Variants in GRID2 observed in about 807,000 individuals in gnomAD.
GRID2 encodes glutamate receptor ionotropic, delta-2.
In GRID2, 33 loss-of-function variants were observed where a neutral mutation model predicts 114.8. The ratio of observed to expected loss-of-function variants is 0.29; its 90% CI spans 0.22 to 0.38. GRID2 has a LOEUF of 0.38. Ranked by LOEUF, GRID2 falls within the 10% of genes least tolerant of loss-of-function variation. The probability of loss-of-function intolerance (pLI) is 1.00; values close to 1 mark genes in which losing one functional copy is unlikely to be tolerated. For missense variants in GRID2, 1,184 were observed against 1,257.7 expected (o/e 0.94, Z 0.89); for synonymous variants, 505 against 449.9 (o/e 1.12, Z -1.55).
intron 2 of GRID2, among the ~76,000 whole-genome samples, chr4:92,809,703 T>C (rs1740577550): frequency 6.6e-6 from 1 of 152,032 alleles, no homozygotes; most frequent in Non-Finnish European, 1.5e-5. Flanking sequence ...AAACAAGATA[T>C]TATTTTAAAA....
chr4:93,596,087 T>C (rs1318784154), intron 13 of GRID2, among the ~76,000 whole-genome samples: 2 of 152,240 alleles, frequency 1.3e-5, no homozygotes, highest in Non-Finnish European at 2.9e-5. Flanking sequence ...GTAAAGGCTA[T>C]GCACTTTTTG....
intron 8 of GRID2, among the ~76,000 whole-genome samples, chr4:93,301,586 T>C (rs1316057743): frequency 6.6e-6 from 1 of 152,170 alleles, no homozygotes; most frequent in African/African-American, 2.4e-5. Context: ...GTGATCATCA[T>C]CATATTAGGC....
At chr4:92,399,032 C>T (rs1730647377) in intron 1 of GRID2, among the ~76,000 whole-genome samples, 1 of 152,138 alleles carries the variant, frequency 6.6e-6, no homozygotes, top group Non-Finnish European at 1.5e-5. Flanking sequence ...AGAGCTACAA[C>T]TGGTTTAGTT....
intron 14 of GRID2, among the ~76,000 whole-genome samples, chr4:93,752,360 T>TTTATTTA (rs1732395445): frequency 6.7e-6 from 1 of 149,154 alleles, no homozygotes; most frequent in Non-Finnish European, 1.5e-5. Context: ...CATACTGTTC[T>TTTATTTA]TTTATTTATT....
rs182532638 is a variant in GRID2 at position 93,048,951 on chromosome 4, C to A, written c.245-36044C>A. On this transcript the variant is annotated intron_variant, in intron 2 of 15. Coordinates refer to ENST00000282020, the MANE Select transcript of GRID2 (RefSeq NM_001510.4). ...TTGAGACAAATGTTAAATATGGCCC[C>A]TGGGTTTATTAAAAGGCTTTGATTT... is the stretch of plus-strand genomic sequence containing the variant. 2.0e-5 allele frequency among the ~76,000 whole-genome samples: 3 copies of A among 152,090 alleles called. No individual in the cohort carries two copies. The East Asian group carries it at 5.8e-4, about 30-fold the overall frequency.
intron 1 of GRID2, among the ~76,000 whole-genome samples, chr4:93,784,618 T>C (rs1734554663): frequency 6.8e-6 from 1 of 147,722 alleles, no homozygotes; most frequent in Non-Finnish European, 1.5e-5. Flanking sequence ...TCAACAATTG[T>C]ATTTTATATT....
At chr4:93,608,309 T>TA (rs1553964148) in intron 13 of GRID2, among the ~76,000 whole-genome samples, 11 of 133,906 alleles carry the variant, frequency 8.2e-5, no homozygotes, top group Middle Eastern at 3.8e-3. Context: ...TTTTTTTTTT[T>TA]AATTTTTTTT....
At chr4:93,667,313 A>G (rs1578517293) in intron 14 of GRID2, among the ~76,000 whole-genome samples, 2 of 152,002 alleles carry the variant, frequency 1.3e-5, no homozygotes, top group East Asian at 3.9e-4. Flanking sequence ...CTAGCATGGC[A>G]TAATTACTAG....
chr4:93,587,427 C>A (rs1157209157), intron 13 of GRID2, among the ~76,000 whole-genome samples: 1 of 152,008 alleles, frequency 6.6e-6, no homozygotes, highest in Non-Finnish European at 1.5e-5. Context: ...CATGAAAATA[C>A]CTGTAATTTT....
At chr4:93,670,969 A>G (rs1301560744) in intron 14 of GRID2, among the ~76,000 whole-genome samples, 1 of 152,172 alleles carries the variant, frequency 6.6e-6, no homozygotes, top group East Asian at 1.9e-4. Flanking sequence ...ATAGGACTAT[A>G]TCAGTATCAG....
intron 2 of GRID2, among the ~76,000 whole-genome samples, chr4:92,632,742 A>G (rs1351754011): frequency 7.5e-5 from 11 of 146,892 alleles, no homozygotes; most frequent in African/African-American, 1.5e-4. Flanking sequence ...GGAAGGGAAG[A>G]AGTGAAGGAA....
chr4:93,443,078 T>G (rs1326839089), intron 10 of GRID2, among the ~76,000 whole-genome samples: 1 of 152,000 alleles, frequency 6.6e-6, no homozygotes, highest in Non-Finnish European at 1.5e-5. Context: ...AAAGCCACTA[T>G]TTTTCTCTCT....
chr4:92,471,353 T>C (rs1722023992), intron 1 of GRID2, among the ~76,000 whole-genome samples: 1 of 152,070 alleles, frequency 6.6e-6, no homozygotes, highest in Non-Finnish European at 1.5e-5. Context: ...ACCAGTGACC[T>C]TGTACAACCC....
At position 93,569,251 on chromosome 4, in the gene GRID2, T is replaced by C. The variant is rs558242874; in HGVS notation, c.2193+53840T>C. Among the ~76,000 whole-genome samples, 38 of 152,286 alleles carry C rather than the reference T, an allele frequency of 2.5e-4. No individual in the cohort carries two copies. In the South Asian group the frequency reaches 7.2e-3, roughly 29 times the overall value. On this transcript the variant is annotated intron_variant, in intron 13 of 15. Coordinates refer to ENST00000282020, the MANE Select transcript of GRID2 (RefSeq NM_001510.4). ...CTTCTATTTCCCTGCCCTCCTTTCA[T>C]TACTCCCACCACAGTTTCCTGTGGG... is the stretch of plus-strand genomic sequence containing the variant.
intron 1 of GRID2, among the ~76,000 whole-genome samples, chr4:92,439,915 T>C (rs1347668521): frequency 6.9e-6 from 1 of 145,590 alleles, no homozygotes; most frequent in Non-Finnish European, 1.6e-5. Flanking sequence ...GCAGGGCATG[T>C]ATGAGTAGTT....
At chr4:93,416,439 T>G (rs536093233) in intron 9 of GRID2, among the ~76,000 whole-genome samples, 1 of 152,024 alleles carries the variant, frequency 6.6e-6, no homozygotes, top group Non-Finnish European at 1.5e-5. Context: ...TAAGAAATAG[T>G]CTCTTTTTTC....
At chr4:92,950,391 A>G (rs892489894) in intron 2 of GRID2, among the ~76,000 whole-genome samples, 2 of 152,202 alleles carry the variant, frequency 1.3e-5, no homozygotes, top group African/African-American at 2.4e-5. Context: ...TTTATGTACT[A>G]TGGTAATAAA....
intron 14 of GRID2, among the ~76,000 whole-genome samples, chr4:93,748,393 G>A (rs769646494): frequency 2.0e-5 from 3 of 152,080 alleles, no homozygotes; most frequent in Non-Finnish European, 2.9e-5. Flanking sequence ...TCAATAGAAT[G>A]TTTTTCATTC....
chr4:93,713,980 A>G (rs2110174645), intron 14 of GRID2, among the ~76,000 whole-genome samples: 1 of 152,032 alleles, frequency 6.6e-6, no homozygotes, highest in African/African-American at 2.4e-5. Context: ...CAGGATGTGC[A>G]GGTTTGTTAC....
Sources: allele counts gnomAD v4.1 joint callset (sites outside exome capture counted in the v4.1 genomes callset), GRCh38; gene constraint gnomAD v4.1.1; transcripts MANE v1.5; gene names NCBI Gene and HGNC (gene_info 2026-07-23, HGNC 2026-07-21).